ASXL2: variants seen among roughly 807,000 people sequenced by gnomAD.
The protein encoded by ASXL2 is putative Polycomb group protein ASXL2.
A neutral mutation model predicts 122.0 loss-of-function variants in ASXL2; 23 were observed. The ratio of observed to expected loss-of-function variants is 0.19; its 90% CI spans 0.14 to 0.27. The LOEUF is 0.27. ASXL2 is among the 10% of genes least tolerant of loss of function. ASXL2 has a pLI of 1.00. For synonymous variants in ASXL2, 650 were observed against 637.0 expected, an observed-to-expected ratio of 1.02 and a Z score of -0.31; for missense variants, 1,518 against 1,713.8, an observed-to-expected ratio of 0.89 and a Z score of 2.02.
chr2:25,876,837 T>A (rs896965725), intron 1 of ASXL2, among the ~76,000 whole-genome samples: 7 of 152,184 alleles, frequency 4.6e-5, no homozygotes, highest in African/African-American at 1.7e-4. Context: ...CTAAGAGAGA[T>A]ACAAATTGAA....
chr2:25,772,873 T>C (rs771885508), intron 5 of ASXL2, among the ~76,000 whole-genome samples: 5 of 151,898 alleles, frequency 3.3e-5, no homozygotes, highest in African/African-American at 7.3e-5. Context: ...AAGAAAGGAA[T>C]GCACAGCAGA....
At chr2:25,854,846 T>A (rs1465968679) in intron 1 of ASXL2, among the ~76,000 whole-genome samples, 1 of 152,162 alleles carries the variant, frequency 6.6e-6, no homozygotes, top group Non-Finnish European at 1.5e-5. Flanking sequence ...CTATGACCTA[T>A]TCCACTCATC....
chr2:25,740,636 G>A lies in ASXL2; in HGVS notation c.*1393C>T. On this transcript the variant is annotated 3_prime_UTR_variant, in exon 13 of 13. Coordinates refer to ENST00000435504, the MANE Select transcript of ASXL2 (RefSeq NM_018263.6). Reference sequence around the variant, plus strand: ...AGAGAAGGATTTAAAAACAAAAAAGGAAACAAGAAAGAAAAAGAAACAAAA... The same window carrying A: ...AGAGAAGGATTTAAAAACAAAAAAGAAAACAAGAAAGAAAAAGAAACAAAA... 4.4e-6 allele frequency: 1 copy of A among 227,832 alleles called. No homozygotes were observed. 14.1% of individuals were successfully genotyped at this position (227,832 alleles called of 1,614,324 possible). A position where few individuals can be genotyped will look rare whatever the true frequency, so the allele number is the denominator to read the frequency against.
At chr2:25,871,680 C>T (rs556490960) in intron 1 of ASXL2, among the ~76,000 whole-genome samples, 28 of 152,208 alleles carry the variant, frequency 1.8e-4, no homozygotes, top group Non-Finnish European at 3.8e-4. Context: ...CAACCTCCGC[C>T]TCCCGGGTTC....
rs373227337 is a variant in ASXL2 at position 25,767,743 on chromosome 2, C to T, written c.632-17G>A. On this transcript the variant is annotated splice_polypyrimidine_tract_variant and intron_variant, in intron 7 of 12. Transcript: ENST00000435504. ...CCCATGTTGCTAGGAGAAAAAAATACGTATAAAGACTGGTAGCACTGAGAT... is the reference window on the plus strand; with the variant it reads ...CCCATGTTGCTAGGAGAAAAAAATATGTATAAAGACTGGTAGCACTGAGAT... 1.5e-4 allele frequency: 241 copies of T among 1,612,802 alleles called. 1 individual carries two copies. Among genetic ancestry groups the T allele is most frequent in the Middle Eastern group, 9.9e-4 (6 of 6,054 alleles).
chr2:25,781,249 C>T (rs1462896876), intron 5 of ASXL2, among the ~76,000 whole-genome samples: 1 of 150,786 alleles, frequency 6.6e-6, no homozygotes, highest in Non-Finnish European at 1.5e-5. Context: ...AAAAGTAATG[C>T]TTGGCCAGGC....
At chr2:25,844,044 G>A (rs777407904) in intron 2 of ASXL2, among the ~76,000 whole-genome samples, 4 of 151,940 alleles carry the variant, frequency 2.6e-5, no homozygotes, top group Non-Finnish European at 5.9e-5. Context: ...CCCACTAAAT[G>A]CCATTGTGTT....
At chr2:25,781,678 T>TTG (rs1559509452) in intron 5 of ASXL2, among the ~76,000 whole-genome samples, 4 of 150,590 alleles carry the variant, frequency 2.7e-5, no homozygotes, top group Non-Finnish European at 5.9e-5. Flanking sequence ...GGCTTTTTTT[T>TTG]TTTTTTTTGA....
chr2:25,818,439 AG>A (rs2089264835), intron 3 of ASXL2, among the ~76,000 whole-genome samples: 1 of 152,130 alleles, frequency 6.6e-6, no homozygotes, highest in Non-Finnish European at 1.5e-5. Context: ...TGAACCTGGG[AG>A]GTAGAGGTTG....
chr2:25,743,295 T>C lies in ASXL2; in HGVS notation c.3042A>G (p.Pro1014=), dbSNP rs367984042. 1.9e-6 allele frequency: 3 copies of C among 1,613,852 alleles called. No homozygotes were observed. The African/African-American group carries it at 4.0e-5, about 22-fold the overall frequency. Residue 1014 remains proline (P), a synonymous_variant, in exon 13 of 13, where the codon CCA becomes CCG. Coordinates refer to ENST00000435504, the MANE Select transcript of ASXL2 (RefSeq NM_018263.6). ...TTTTGCCCAGCTGCTGCTGCGTAGCTGGATGGGACTGTCTCTCATTAACTT... is the reference window on the plus strand; with the variant it reads ...TTTTGCCCAGCTGCTGCTGCGTAGCCGGATGGGACTGTCTCTCATTAACTT... The part of the protein sequence containing the change: ...REEVNERQSH[P]ATQQQLGKTL...
At chr2:25,828,288 G>A (rs753722030) in intron 3 of ASXL2, among the ~76,000 whole-genome samples, 7 of 151,702 alleles carry the variant, frequency 4.6e-5, no homozygotes, top group Non-Finnish European at 8.8e-5. Context: ...GGTGGATCAC[G>A]TGAGTCAGGA....
chr2:25,779,214 A>C (rs1470535471), intron 5 of ASXL2, among the ~76,000 whole-genome samples: 3 of 148,338 alleles, frequency 2.0e-5, no homozygotes, highest in African/African-American at 7.5e-5. Context: ...CTCCTGTCTC[A>C]GCCTCCCGAG....
intron 11 of ASXL2, among the ~76,000 whole-genome samples, chr2:25,750,615 G>A (rs1257512627): frequency 1.3e-5 from 2 of 152,208 alleles, no homozygotes; most frequent in South Asian, 2.1e-4. Context: ...GATACCTACC[G>A]TCCGTGTGAT....
chr2:25,760,776 AAG>A (rs143096831), intron 8 of ASXL2, among the ~76,000 whole-genome samples: 1,849 of 152,326 alleles, frequency 0.012, 42 homozygotes, highest in African/African-American at 0.042. Flanking sequence ...ATGCCACTAC[AAG>A]AGAGAATCAT....
At chr2:25,873,839 T>C (rs556368706) in intron 1 of ASXL2, among the ~76,000 whole-genome samples, 36 of 152,190 alleles carry the variant, frequency 2.4e-4, no homozygotes, top group Non-Finnish European at 4.7e-4. Context: ...CCCTTCCACC[T>C]ACAATCACAC....
intron 3 of ASXL2, among the ~76,000 whole-genome samples, chr2:25,834,534 T>G (rs947134000): frequency 1.3e-5 from 2 of 152,192 alleles, no homozygotes; most frequent in Admixed American, 6.5e-5. Context: ...ATGAACTTAA[T>G]GGACTACAAA....
intron 5 of ASXL2, among the ~76,000 whole-genome samples, chr2:25,786,648 G>A (rs994380799): frequency 6.6e-6 from 1 of 152,168 alleles, no homozygotes; most frequent in Non-Finnish European, 1.5e-5. Flanking sequence ...GAGGCCAGGA[G>A]TTTGAGACCA....
chr2:25,835,911 C>A (rs1026969935), intron 2 of ASXL2, among the ~76,000 whole-genome samples: 1 of 152,174 alleles, frequency 6.6e-6, no homozygotes, highest in Non-Finnish European at 1.5e-5. Context: ...GCCATCATAA[C>A]GCCATCAGCT....
chr2:25,813,923 G>A (rs573660707), intron 3 of ASXL2, among the ~76,000 whole-genome samples: 8 of 152,282 alleles, frequency 5.3e-5, no homozygotes, highest in Admixed American at 2.0e-4. Flanking sequence ...GATGGCGGGC[G>A]CCTGTTGTCC....
Sources: allele counts gnomAD v4.1 joint callset (sites outside exome capture counted in the v4.1 genomes callset), GRCh38; gene constraint gnomAD v4.1.1; transcripts MANE v1.5; gene names NCBI Gene and HGNC (gene_info 2026-07-23, HGNC 2026-07-21).